Variants in MACROD2 observed in about 807,000 individuals in gnomAD.
The protein encoded by MACROD2 is ADP-ribose glycohydrolase MACROD2.
MACROD2 carries 36 observed loss-of-function variants against 70.4 expected under a neutral mutation model. That is an observed-to-expected ratio of 0.51 (90% CI 0.39 to 0.68). The LOEUF is 0.68. MACROD2 is among the 30% of genes least tolerant of loss of function. MACROD2 has a pLI of 0.00. For missense variants in MACROD2, 496 were observed against 538.4 expected (o/e 0.92, Z 0.78); for synonymous variants, 172 against 178.8 (o/e 0.96, Z 0.30).
intron 4 of MACROD2, among the ~76,000 whole-genome samples, chr20:14,616,695 A>C (rs1308825987): frequency 1.3e-5 from 2 of 152,046 alleles, no homozygotes; most frequent in Non-Finnish European, 2.9e-5. Context: ...ATGACTTAAT[A>C]TTGTTTTAAT....
At chr20:15,457,871 A>T (rs1046053593) in intron 7 of MACROD2, among the ~76,000 whole-genome samples, 1 of 151,856 alleles carries the variant, frequency 6.6e-6, no homozygotes, top group African/African-American at 2.4e-5. Flanking sequence ...CATCTCCGTG[A>T]ACTGTGGTTT....
intron 5 of MACROD2, among the ~76,000 whole-genome samples, chr20:15,064,620 C>T (rs2123089862): frequency 6.6e-6 from 1 of 152,212 alleles, no homozygotes; most frequent in East Asian, 1.9e-4. Flanking sequence ...TTTAATGTTG[C>T]TGGTTTTGAA....
intron 3 of MACROD2, among the ~76,000 whole-genome samples, chr20:14,463,365 T>G (rs1027565883): frequency 2.0e-5 from 3 of 152,068 alleles, no homozygotes; most frequent in African/African-American, 7.3e-5. Context: ...AGAATGCTTG[T>G]GATTTTTGCA....
chr20:15,170,087 T>TA (rs529955603), intron 5 of MACROD2, among the ~76,000 whole-genome samples: 2 of 152,238 alleles, frequency 1.3e-5, no homozygotes, highest in Non-Finnish European at 2.9e-5. Flanking sequence ...GAATTGGAAG[T>TA]ACAGTTAAGG....
At chr20:14,923,156 C>A (rs1316597839) in intron 5 of MACROD2, among the ~76,000 whole-genome samples, 4 of 152,274 alleles carry the variant, frequency 2.6e-5, no homozygotes, top group Middle Eastern at 3.4e-3. Flanking sequence ...ACCTCGCTGG[C>A]TGTTTCTTCC....
At chr20:14,212,199 G>A (rs1310328566) in intron 3 of MACROD2, among the ~76,000 whole-genome samples, 1 of 152,082 alleles carries the variant, frequency 6.6e-6, no homozygotes, top group East Asian at 1.9e-4. Flanking sequence ...TTATATTAAT[G>A]TTCAGTTAAA....
At chr20:15,869,232 T>TAG (rs1282844011) in intron 9 of MACROD2, among the ~76,000 whole-genome samples, 112 of 33,092 alleles carry the variant, frequency 3.4e-3, no homozygotes, top group Admixed American at 5.1e-3. Flanking sequence ...TATATATATA[T>TAG]ATATATAGAG....
At chr20:14,048,818 A>G (rs1470495695) in intron 2 of MACROD2, among the ~76,000 whole-genome samples, 1 of 152,238 alleles carries the variant, frequency 6.6e-6, no homozygotes, top group Admixed American at 6.5e-5. Context: ...ATTACTAATA[A>G]TGTACTTTGA....
At chr20:15,367,658 A>G (rs535569948) in intron 6 of MACROD2, among the ~76,000 whole-genome samples, 2 of 152,210 alleles carry the variant, frequency 1.3e-5, no homozygotes, top group South Asian at 4.2e-4. Flanking sequence ...CTCCTATGAA[A>G]GCCCTGATTA....
intron 2 of MACROD2, among the ~76,000 whole-genome samples, chr20:14,018,647 C>G (rs1026006827): frequency 6.6e-6 from 1 of 152,108 alleles, no homozygotes; most frequent in African/African-American, 2.4e-5. Flanking sequence ...CTTTTTAGCT[C>G]CAGAGTTTCT....
chr20:14,490,743 A>G (rs2084784811), intron 3 of MACROD2, among the ~76,000 whole-genome samples: 1 of 152,174 alleles, frequency 6.6e-6, no homozygotes, highest in Non-Finnish European at 1.5e-5. Context: ...TTAGATAGGG[A>G]CATAAATATA....
At chr20:14,005,673 G>A (rs2148612650) in intron 2 of MACROD2, among the ~76,000 whole-genome samples, 1 of 152,098 alleles carries the variant, frequency 6.6e-6, no homozygotes, top group South Asian at 2.1e-4. Flanking sequence ...CGCGATGTGG[G>A]CTCACTACAA....
In MACROD2 at chr20:15,287,707, G is replaced by A. The variant is rs546776214; in HGVS notation, c.540+57646G>A. On this transcript the variant is annotated intron_variant, in intron 6 of 17. Transcript: ENST00000684519. ...GTTTATTTCTTTGTCTTACTTGCTC[G>A]CTCTTGCAACAGCTAAACAGATCCT... Among the ~76,000 whole-genome samples, 359 of 152,274 alleles carry A rather than the reference G, an allele frequency of 2.4e-3. 4 individuals are homozygous for A. Among genetic ancestry groups the A allele is most frequent in the South Asian group, 8.1e-3 (39 of 4,832 alleles).
At chr20:15,986,898 G>T in intron 14 of MACROD2, 97 bp downstream of exon 14, 1 of 1,042,326 alleles carries the variant, frequency 9.6e-7, no homozygotes, top group Non-Finnish European at 1.5e-6. Context: ...GTGTGTGTGT[G>T]TTTTAGGCAA....
chr20:15,925,970 T>G (rs1163899229), intron 10 of MACROD2, among the ~76,000 whole-genome samples: 1 of 152,196 alleles, frequency 6.6e-6, no homozygotes, highest in Non-Finnish European at 1.5e-5. Flanking sequence ...TGGGTAGAAC[T>G]GGCAGCCAGG....
intron 6 of MACROD2, among the ~76,000 whole-genome samples, chr20:15,319,204 T>G (rs2077846954): frequency 6.6e-6 from 1 of 152,142 alleles, no homozygotes; most frequent in African/African-American, 2.4e-5. Context: ...AATATACTTT[T>G]CTTTAGAATA....
At chr20:14,395,276 T>G (rs1201255692) in intron 3 of MACROD2, among the ~76,000 whole-genome samples, 1 of 152,078 alleles carries the variant, frequency 6.6e-6, no homozygotes, top group East Asian at 1.9e-4. Context: ...AAATTTAATT[T>G]TTATAATAGA....
intron 7 of MACROD2, among the ~76,000 whole-genome samples, chr20:15,461,006 A>ATATATATT: frequency 1.8e-4 from 12 of 67,016 alleles, no homozygotes; most frequent in African/African-American, 3.0e-4. Context: ...ATATATATAT[A>ATATATATT]TTTTTTTTTA....
chr20:14,320,403 A>G (rs1483083749), intron 3 of MACROD2, among the ~76,000 whole-genome samples: 1 of 152,018 alleles, frequency 6.6e-6, no homozygotes, highest in African/African-American at 2.4e-5. Flanking sequence ...TCTCCCATTC[A>G]TCTTTAAGCA....
Sources: allele counts gnomAD v4.1 joint callset (sites outside exome capture counted in the v4.1 genomes callset), GRCh38; gene constraint gnomAD v4.1.1; transcripts MANE v1.5; gene names NCBI Gene and HGNC (gene_info 2026-07-23, HGNC 2026-07-21).